Variants in AHCYL1 observed in about 807,000 individuals in gnomAD.
AHCYL1 encodes S-adenosylhomocysteine hydrolase-like protein 1.
In AHCYL1, 20 loss-of-function variants were observed where a neutral mutation model predicts 79.3. The ratio of observed to expected loss-of-function variants is 0.25; its 90% CI spans 0.18 to 0.37. The LOEUF (loss-of-function observed/expected upper bound fraction) is 0.37, where lower values mean the gene tolerates loss of function less well. Among genes scored for constraint, AHCYL1 ranks in the 10% least tolerant of loss-of-function variants. The probability of loss-of-function intolerance (pLI) is 1.00; values close to 1 mark genes in which losing one functional copy is unlikely to be tolerated. For missense variants in AHCYL1, 330 were observed against 673.6 expected, an observed-to-expected ratio of 0.49 and a Z score of 5.65; for synonymous variants, 223 against 242.2, an observed-to-expected ratio of 0.92 and a Z score of 0.74.
chr1:110,018,266 G>A, intron 11 of AHCYL1, 107 bp from the exon 12 acceptor site: 1 of 1,070,348 alleles, frequency 9.3e-7, no homozygotes, highest in South Asian at 1.4e-5. Flanking sequence ...ATGTCTACAT[G>A]TTCTTTAATG....
intron 1 of AHCYL1, chr1:109,985,675 C>A: frequency 2.4e-6 from 1 of 418,954 alleles, no homozygotes; most frequent in Non-Finnish European, 3.2e-6. Flanking sequence ...CAGGTGAAAG[C>A]GATGAGGGTA....
chr1:110,019,272 G>C (rs1651635610), intron 14 of AHCYL1, among the ~76,000 whole-genome samples, 153 bp downstream of exon 14: 1 of 152,222 alleles, frequency 6.6e-6, no homozygotes, highest in Non-Finnish European at 1.5e-5. Context: ...GTATAGAAAA[G>C]AGTCACTAAG....
At chr1:110,013,431 C>T (rs983319076) in intron 5 of AHCYL1, among the ~76,000 whole-genome samples, 1 of 152,152 alleles carries the variant, frequency 6.6e-6, no homozygotes, top group African/African-American at 2.4e-5. Context: ...TTATTCAGGC[C>T]AGGCCTGGTG....
Position 110,019,112 on chromosome 1 carries a change from C to T in AHCYL1, c.1379C>T (p.Thr460Ile). The T allele has an allele frequency of 6.2e-7, 1 of 1,614,162 alleles. No homozygotes were observed. Among genetic ancestry groups the T allele is most frequent in the Non-Finnish European group, 8.5e-7 (1 of 1,180,030 alleles). Residue 460 changes from threonine to isoleucine, a missense_variant, in exon 14 of 17, where the codon ACA (threonine) becomes ATA (isoleucine). By Grantham distance (89) the Thr-to-Ile change is moderately conservative (BLOSUM62 -1). Around this residue, in one of 6 missense-constraint regions of AHCYL1, gnomAD observed 119 missense variants for 293.3 expected, o/e 0.41. Transcript: ENST00000369799. Reference sequence around the variant, plus strand: ...ACCTTTGTTCTGTCCATCACAGCCACAACACAGGTATGTGGCAAAATGCCT... The same window carrying T: ...ACCTTTGTTCTGTCCATCACAGCCATAACACAGGTATGTGGCAAAATGCCT... ...VPTFVLSITA[T>I]TQALALIELY...
intron 1 of AHCYL1, among the ~76,000 whole-genome samples, chr1:110,003,339 G>GTA (rs1404576979): frequency 2.6e-5 from 4 of 152,170 alleles, no homozygotes; most frequent in East Asian, 1.9e-4. Flanking sequence ...ATGTGTATGT[G>GTA]TATATATATA....
At chr1:110,018,235 T>C in intron 11 of AHCYL1, 138 bp from the exon 12 acceptor site, 3 of 917,096 alleles carry the variant, frequency 3.3e-6, no homozygotes, top group Non-Finnish European at 5.1e-6. Flanking sequence ...TAAGGAGCGG[T>C]TATGCATGTC....
At chr1:110,021,573 G>A in intron 16 of AHCYL1, 101 bp from the exon 17 acceptor site, 1 of 1,179,094 alleles carries the variant, frequency 8.5e-7, no homozygotes. Flanking sequence ...TCCCACCCAG[G>A]CTGGGGAGGG....
intron 1 of AHCYL1, among the ~76,000 whole-genome samples, chr1:110,007,227 A>C (rs1422432009): frequency 1.3e-5 from 2 of 152,148 alleles, no homozygotes. Flanking sequence ...AAAGGCGAAC[A>C]GGGGAAGGAA....
intron 11 of AHCYL1, 107 bp downstream of exon 11, chr1:110,018,123 CA>C (rs1651540416): frequency 3.2e-6 from 4 of 1,252,862 alleles, no homozygotes. Context: ...ATAAAGGTCT[CA>C]GAACTAGAAT....
At chr1:109,996,676 A>G (rs998413288) in intron 1 of AHCYL1, among the ~76,000 whole-genome samples, 3 of 152,222 alleles carry the variant, frequency 2.0e-5, no homozygotes, top group Non-Finnish European at 4.4e-5. Flanking sequence ...ATGACTGGCA[A>G]CGCAGTAGGT....
At chr1:109,996,390 C>T (rs1650030915) in intron 1 of AHCYL1, among the ~76,000 whole-genome samples, 1 of 152,198 alleles carries the variant, frequency 6.6e-6, no homozygotes, top group Non-Finnish European at 1.5e-5. Flanking sequence ...GCTCAGGGTG[C>T]AGCGTCCCAG....
In AHCYL1 at chr1:110,021,783, T is replaced by G; in HGVS notation, c.*103T>G. 2.3e-6 allele frequency: 3 copies of G among 1,276,678 alleles called. No individual in the cohort carries two copies. Among genetic ancestry groups the G allele is most frequent in the Non-Finnish European group, 3.3e-6 (3 of 908,808 alleles). 79.1% of individuals were successfully genotyped at this position (1,276,678 alleles called of 1,614,324 possible). A position where few individuals can be genotyped will look rare whatever the true frequency, so the allele number is the denominator to read the frequency against. On this transcript the variant is annotated 3_prime_UTR_variant, in exon 17 of 17. Coordinates refer to ENST00000369799, the MANE Select transcript of AHCYL1 (RefSeq NM_006621.7). ...TTCTTACTCCTTTCCTCTTGATTTT[T>G]TTCCTATAATTTCATTCTTGTTTTT...
At chr1:110,019,238 A>G (rs1395635412) in intron 14 of AHCYL1, 119 bp downstream of exon 14, 1 of 1,079,224 alleles carries the variant, frequency 9.3e-7, no homozygotes, top group Non-Finnish European at 1.4e-6. Context: ...TGATGTAATA[A>G]ATTGTGGAAA....
At chr1:110,011,156 G>C in intron 2 of AHCYL1, 58 bp from the exon 3 acceptor site, 3 of 1,601,476 alleles carry the variant, frequency 1.9e-6, no homozygotes, top group Non-Finnish European at 1.7e-6. Flanking sequence ...ACTGCACTCT[G>C]TAGAGTTGGG....
chr1:110,012,122 A>T (rs1045088544), intron 3 of AHCYL1, among the ~76,000 whole-genome samples: 6 of 152,246 alleles, frequency 3.9e-5, no homozygotes, highest in African/African-American at 1.4e-4. Flanking sequence ...GATTTACTTC[A>T]TTCTCTGTTC....
chr1:109,992,918 C>G (rs1162321344), intron 1 of AHCYL1, among the ~76,000 whole-genome samples: 2 of 152,190 alleles, frequency 1.3e-5, no homozygotes, highest in Non-Finnish European at 2.9e-5. Flanking sequence ...CACAGCATCT[C>G]TTTTCATTAC....
chr1:110,021,891 A>C lies in AHCYL1; in HGVS notation c.*211A>C. On this transcript the variant is annotated 3_prime_UTR_variant, in exon 17 of 17. Transcript: ENST00000369799. Reference sequence around the variant, plus strand: ...ATGAAATAGAAGTTCAGGGTTCCTCACTCTAGTCACTAAAGAAGGATTTTA... The same window carrying C: ...ATGAAATAGAAGTTCAGGGTTCCTCCCTCTAGTCACTAAAGAAGGATTTTA... 2.0e-6 allele frequency: 1 copy of C among 509,514 alleles called. No homozygotes were observed. The highest frequency in any genetic ancestry group is 3.3e-5 in the East Asian group (1 of 30,200). The allele number at this position is 509,514 out of a possible 1,614,324, so 31.6% of individuals were successfully genotyped here. A position where few individuals can be genotyped will look rare whatever the true frequency, so the allele number is the denominator to read the frequency against.
At chr1:110,006,043 A>G in intron 1 of AHCYL1, among the ~76,000 whole-genome samples, 1 of 152,160 alleles carries the variant, frequency 6.6e-6, no homozygotes, top group East Asian at 1.9e-4. Flanking sequence ...AGCATGTTAA[A>G]CTGGCCTGAT....
rs978176660 is a variant in AHCYL1, at chr1:110,014,957, T to C, written c.675+100T>C. On this transcript the variant is annotated intron_variant, in intron 6 of 16. Coordinates refer to ENST00000369799, the MANE Select transcript of AHCYL1 (RefSeq NM_006621.7). ...AATATGTTTTGGATGTTTGGTCTTA[T>C]GCACTGACTTTGTTGCTAAAGTGTT... is the stretch of plus-strand genomic sequence containing the variant. The C allele has an allele frequency of 2.4e-5, 27 of 1,108,660 alleles. 2 individuals are homozygous for C. The highest frequency in any genetic ancestry group is 1.4e-4 in the Admixed American group (7 of 51,010). The allele number at this position is 1,108,660 out of a possible 1,614,324, so 68.7% of individuals were successfully genotyped here. A position where few individuals can be genotyped will look rare whatever the true frequency, so the allele number is the denominator to read the frequency against.
Sources: gnomAD v4.1 joint callset for allele counts (sites outside exome capture counted in the v4.1 genomes callset) on GRCh38, gnomAD v4.1.1 for gene constraint, gnomAD v4.1.1 regional missense constraint, MANE v1.5 for transcripts, NCBI Gene and HGNC (gene_info 2026-07-23, HGNC 2026-07-21) for gene names.